The following DAOA variants were observed in gnomAD, a reference collection of about 807,000 sequenced individuals.
The protein encoded by DAOA is D-amino acid oxidase regulator.
Under a neutral mutation model 16.4 loss-of-function variants are expected in DAOA, and 15 were observed. The observed-to-expected ratio is 0.91, with a 90% confidence interval of 0.61 to 1.41. The LOEUF (loss-of-function observed/expected upper bound fraction) is 1.41. DAOA is among the 40% of genes most tolerant of loss of function. DAOA has a pLI of 0.00. For synonymous variants in DAOA, 75 were observed against 59.1 expected (o/e 1.27, Z -1.23); for missense variants, 230 against 176.8 (o/e 1.30, Z -1.71).
At chr13:105,472,859 T>A (rs1295075949) in intron 4 of DAOA, among the ~76,000 whole-genome samples, 174 bp downstream of exon 4, 2 of 152,220 alleles carry the variant, frequency 1.3e-5, no homozygotes, top group Non-Finnish European at 2.9e-5. Context: ...AACACTTTTT[T>A]AAAAGTATCC....
intron 4 of DAOA, among the ~76,000 whole-genome samples, chr13:105,483,931 T>C (rs1463660852): frequency 6.6e-6 from 1 of 152,174 alleles, no homozygotes; most frequent in Non-Finnish European, 1.5e-5. Flanking sequence ...TGTTTTGTTC[T>C]GTTGCATCTA....
intron 4 of DAOA, among the ~76,000 whole-genome samples, chr13:105,489,068 G>A (rs994378353): frequency 1.3e-5 from 2 of 152,204 alleles, no homozygotes; most frequent in African/African-American, 2.4e-5. Flanking sequence ...GTAGAGCCCG[G>A]ATACTGTGGG....
rs114274270 is a variant in DAOA, at chr13:105,489,826, G to T, written c.282-75G>T. 2.7e-3 allele frequency: 4,370 copies of T among 1,613,266 alleles called. 105 individuals are homozygous for T. In the African/African-American group the frequency reaches 0.051, roughly 19 times the overall value. On this transcript the variant is annotated intron_variant, in intron 4 of 5. Transcript: ENST00000375936. Reference sequence around the variant, plus strand: ...CTTCTAACCAATGGAACATGGGAAAGGTGATGACACTTGACTCCGGTGATG... The same window carrying T: ...CTTCTAACCAATGGAACATGGGAAATGTGATGACACTTGACTCCGGTGATG...
At chr13:105,468,352 C>G (rs766164021) in intron 3 of DAOA, among the ~76,000 whole-genome samples, 28 of 152,158 alleles carry the variant, frequency 1.8e-4, no homozygotes, top group Non-Finnish European at 3.2e-4. Flanking sequence ...ATAATTAAAA[C>G]ATTGATTTTC....
chr13:105,470,935 C>T (rs920956570), intron 3 of DAOA, among the ~76,000 whole-genome samples: 3 of 152,236 alleles, frequency 2.0e-5, no homozygotes, highest in East Asian at 3.9e-4. Flanking sequence ...GGACTACAGG[C>T]GCCCACCACC....
Position 105,473,783 on chromosome 13 carries a change from C to T in DAOA, c.281+1098C>T, listed in dbSNP as rs571159259. The stretch of plus-strand genomic sequence containing the variant: ...GGTGTGAAGCAAAGTTAAATTTAGA[C>T]GTGTTCTATAAGAGGTTATTTCTAC... On this transcript the variant is annotated intron_variant, in intron 4 of 5. Coordinates refer to ENST00000375936, the MANE Select transcript of DAOA (RefSeq NM_172370.5). Among the ~76,000 whole-genome samples the T allele has an allele frequency of 1.0e-3, 153 of 152,132 alleles. 2 individuals are homozygous for T. The South Asian group carries it at 0.022, about 21-fold the overall frequency.
chr13:105,485,786 CA>C (rs1878062704), intron 4 of DAOA, among the ~76,000 whole-genome samples: 2 of 152,200 alleles, frequency 1.3e-5, no homozygotes, highest in African/African-American at 4.8e-5. Flanking sequence ...AGTGATATTC[CA>C]ACAAGCAAGG....
At chr13:105,477,719 C>T (rs1877435898) in intron 4 of DAOA, among the ~76,000 whole-genome samples, 1 of 152,054 alleles carries the variant, frequency 6.6e-6, no homozygotes, top group Admixed American at 6.6e-5. Flanking sequence ...GCCAAACAAC[C>T]TATAAACTAA....
rs368169582 is a variant in DAOA at position 105,466,307 on chromosome 13, G to T, written c.19G>T (p.Gly7Cys). The T allele has an allele frequency of 3.7e-6, 6 of 1,614,014 alleles. No individual in the cohort carries two copies. In the African/African-American group the frequency reaches 8.0e-5, roughly 22 times the overall value. Residue 7 changes from glycine (G) to cysteine (C), a missense_variant, in exon 2 of 6, where the codon GGT becomes TGT. Coordinates refer to ENST00000375936, the MANE Select transcript of DAOA (RefSeq NM_172370.5). MLEKLM[G>C]ADSLQLFRSR... ...ACCCAAAATGCTGGAAAAGCTGATG[G>T]GTGCTGATTCTCTCCAGCTTTTCAG...
intron 4 of DAOA, among the ~76,000 whole-genome samples, chr13:105,482,640 T>G (rs12583219): frequency 6.6e-6 from 1 of 151,560 alleles, no homozygotes; most frequent in Non-Finnish European, 1.5e-5. Flanking sequence ...CTCCTGGAAC[T>G]GGAATTACAG....
intron 4 of DAOA, among the ~76,000 whole-genome samples, chr13:105,481,282 G>A (rs1489395391): frequency 6.6e-6 from 1 of 152,082 alleles, no homozygotes; most frequent in African/African-American, 2.4e-5. Flanking sequence ...CTCCCAAGAA[G>A]TCTATGGTGA....
chr13:105,482,145 T>G (rs531093801), intron 4 of DAOA, among the ~76,000 whole-genome samples: 1 of 151,616 alleles, frequency 6.6e-6, no homozygotes, highest in African/African-American at 2.4e-5. Flanking sequence ...TTCAGTTACC[T>G]CCCAGGGTCC....
intron 4 of DAOA, among the ~76,000 whole-genome samples, chr13:105,484,707 G>T (rs1388282955): frequency 6.6e-6 from 1 of 151,924 alleles, no homozygotes; most frequent in Non-Finnish European, 1.5e-5. Flanking sequence ...ATACCTTTTT[G>T]TATGTTTCAT....
At chr13:105,480,416 G>A (rs1877634976) in intron 4 of DAOA, among the ~76,000 whole-genome samples, 1 of 151,944 alleles carries the variant, frequency 6.6e-6, no homozygotes, top group South Asian at 2.1e-4. Flanking sequence ...GTAGACATTT[G>A]CCACTTGGTT....
In DAOA at chr13:105,466,328, T is replaced by C; in HGVS notation, c.40T>C (p.Phe14Leu). The C allele has an allele frequency of 6.2e-7, 1 of 1,614,056 alleles. No homozygotes were observed. Among genetic ancestry groups the C allele is most frequent in the East Asian group, 2.2e-5 (1 of 44,876 alleles). Residue 14 changes from phenylalanine to leucine, a missense_variant, in exon 2 of 6, where the codon TTC becomes CTC. Transcript: ENST00000375936. Reference protein sequence around the residue: ...KLMGADSLQLFRSRYTLGKIY... With the variant: ...KLMGADSLQLLRSRYTLGKIY... ...GATGGGTGCTGATTCTCTCCAGCTTTTCAGGTAGGTAGCTTGGGGTTTTTT... is the reference window on the plus strand; with the variant it reads ...GATGGGTGCTGATTCTCTCCAGCTTCTCAGGTAGGTAGCTTGGGGTTTTTT...
intron 4 of DAOA, among the ~76,000 whole-genome samples, chr13:105,477,601 G>A (rs1877427739): frequency 6.6e-6 from 1 of 152,188 alleles, no homozygotes; most frequent in South Asian, 2.1e-4. Context: ...GTGCATGCCT[G>A]TAGTCCCAGC....
At position 105,467,067 on chromosome 13, in the gene DAOA, T is replaced by G; in HGVS notation, c.59T>G (p.Leu20Trp). Residue 20 changes from leucine to tryptophan, a missense_variant, in exon 3 of 6, where the codon TTG (leucine) becomes TGG (tryptophan). Leu to Trp is a moderately conservative substitution (Grantham distance 61). Transcript: ENST00000375936. ...TTAATTTTTAGATCCAGATATACAT[T>G]GGGTAAAATCTACTTCATAGGTTTT... ...SLQLFRSRYT[L>W]GKIYFIGFQR... 1 of 1,610,648 alleles carries G rather than the reference T, an allele frequency of 6.2e-7. No homozygotes were observed. The highest frequency in any genetic ancestry group is 8.5e-7 in the Non-Finnish European group (1 of 1,178,100).
intron 3 of DAOA, among the ~76,000 whole-genome samples, chr13:105,472,305 C>T (rs757421308): frequency 2.0e-5 from 3 of 152,150 alleles, no homozygotes; most frequent in Admixed American, 1.3e-4. Context: ...ATAGTCCGAT[C>T]CAGAGAGAGA....
chr13:105,481,802 C>A (rs1877763373), intron 4 of DAOA, among the ~76,000 whole-genome samples: 1 of 152,116 alleles, frequency 6.6e-6, no homozygotes, highest in Admixed American at 6.6e-5. Context: ...GAATACTTTA[C>A]CCTTCAGCTA....
Sources: gnomAD v4.1 joint callset for allele counts (sites outside exome capture counted in the v4.1 genomes callset) on GRCh38, gnomAD v4.1.1 for gene constraint, MANE v1.5 for transcripts, NCBI Gene and HGNC (gene_info 2026-07-23, HGNC 2026-07-21) for gene names.